Variants in NIN observed in about 807,000 individuals in gnomAD.
The protein encoded by NIN is glycogen synthase kinase 3 beta-interacting protein.
A neutral mutation model predicts 257.6 loss-of-function variants in NIN; 137 were observed. That is an observed-to-expected ratio of 0.53 (90% CI 0.46 to 0.61). NIN has a LOEUF of 0.61. NIN is among the 20% of genes least tolerant of loss of function. The probability of loss-of-function intolerance (pLI) is 0.00; values close to 1 mark genes in which losing one functional copy is unlikely to be tolerated. For synonymous variants in NIN, 918 were observed against 919.8 expected, an observed-to-expected ratio of 1.00 and a Z score of 0.04; for missense variants, 2,439 against 2,501.2, an observed-to-expected ratio of 0.98 and a Z score of 0.53.
intron 20 of NIN, 34 bp from the exon 21 acceptor site, chr14:50,752,767 T>C (rs775705638): frequency 1.6e-5 from 20 of 1,268,058 alleles, no homozygotes; most frequent in Non-Finnish European, 2.1e-5. Context: ...TTCAAACTTG[T>C]TACCCTACTT....
chr14:50,770,887 A>G lies in NIN; in HGVS notation c.1224T>C (p.His408=), dbSNP rs368974292. The G allele has an allele frequency of 1.9e-6, 3 of 1,614,138 alleles. No individual in the cohort carries two copies. Among genetic ancestry groups the G allele is most frequent in the Admixed American group, 3.3e-5 (2 of 60,022 alleles). The change falls in exon 11 of 31, where the codon CAT becomes CAC. Residue 408 remains histidine (H), a synonymous_variant. Transcript: ENST00000530997. Reference sequence around the variant, plus strand: ...ACTCATTCCGCCGCTCTATGGCCGCATGGTGATCATCCACCTCCGAGGCCA... The same window carrying G: ...ACTCATTCCGCCGCTCTATGGCCGCGTGGTGATCATCCACCTCCGAGGCCA... ...SLMASEVDDH[H]AAIERRNEYN...
chr14:50,777,193 G>T, intron 6 of NIN, 54 bp from the exon 7 acceptor site: 1 of 1,365,872 alleles, frequency 7.3e-7, no homozygotes, highest in Non-Finnish European at 1.0e-6. Flanking sequence ...AAGAGAGAGT[G>T]CCTATTCTTA....
chr14:50,803,958 G>A (rs1246003997), intron 4 of NIN, among the ~76,000 whole-genome samples: 2 of 150,608 alleles, frequency 1.3e-5, no homozygotes, highest in Admixed American at 6.6e-5. Flanking sequence ...GTGCAGAGGC[G>A]TGATCTTGGC....
chr14:50,767,002 C>T (rs1266550660), intron 12 of NIN, 112 bp from the exon 13 acceptor site: 1 of 717,008 alleles, frequency 1.4e-6, no homozygotes, highest in African/African-American at 1.8e-5. Context: ...GTTTATCTAT[C>T]TTAAAAGCTG....
Position 50,744,351 on chromosome 14 carries a change from G to C in NIN, c.5079C>G (p.Pro1693=), listed in dbSNP as rs546671094. 2 of 1,613,748 alleles carry C rather than the reference G, an allele frequency of 1.2e-6. No individual in the cohort carries two copies. Among genetic ancestry groups the C allele is most frequent in the African/African-American group, 1.3e-5 (1 of 74,904 alleles). Residue 1693 remains proline (P), a synonymous_variant, in exon 23 of 31, where the codon CCC becomes CCG. Transcript: ENST00000530997. ...LEKMKQLHRC[P]DLSDFQQKIS... ...TTTTTTGCTGGAAGTCAGAGAGATC[G>C]GGACATCTGTGCAGCTGTAAGAGAT...
At chr14:50,749,058 C>G (rs2041676735) in intron 21 of NIN, among the ~76,000 whole-genome samples, 1 of 152,174 alleles carries the variant, frequency 6.6e-6, no homozygotes, top group South Asian at 2.1e-4. Flanking sequence ...TGACTTCAAA[C>G]TATACTACAA....
rs1194860042 is a variant in NIN, at chr14:50,738,527, T to C, written c.5629-241A>G. On this transcript the variant is annotated intron_variant, in intron 26 of 30. Coordinates refer to ENST00000530997, the MANE Select transcript of NIN (RefSeq NM_020921.4). ...AGACTGGGAAGAGGGGACTTCTGGG[T>C]CTACTAACTCTCCAGGAGTCAACAG... Among the ~76,000 whole-genome samples, 3 of 152,274 alleles carry C rather than the reference T, an allele frequency of 2.0e-5. No individual in the cohort carries two copies. The East Asian group carries it at 5.8e-4, about 29-fold the overall frequency.
At chr14:50,808,080 T>C (rs1279056902) in intron 3 of NIN, among the ~76,000 whole-genome samples, 1 of 152,242 alleles carries the variant, frequency 6.6e-6, no homozygotes, top group African/African-American at 2.4e-5. Context: ...GTTACCTTTT[T>C]ACAGGCTTAA....
rs182582428 is a variant in NIN at position 50,777,493 on chromosome 14, A to G, written c.476-354T>C. 8.9e-4 allele frequency among the ~76,000 whole-genome samples: 135 copies of G among 152,282 alleles called. 2 individuals carry two copies. The highest frequency in any genetic ancestry group is 1.3e-3 in the East Asian group (7 of 5,190). ...GGCTGGTTGAGGGCCATTATCGAGAACTCTGTAAGCTCTATCTCAACTATA... is the reference window on the plus strand; with the variant it reads ...GGCTGGTTGAGGGCCATTATCGAGAGCTCTGTAAGCTCTATCTCAACTATA... On this transcript the variant is annotated intron_variant, in intron 6 of 30. Coordinates refer to ENST00000530997, the MANE Select transcript of NIN (RefSeq NM_020921.4).
chr14:50,807,877 G>A (rs377499316), intron 3 of NIN, among the ~76,000 whole-genome samples: 5 of 152,172 alleles, frequency 3.3e-5, no homozygotes, highest in South Asian at 4.1e-4. Flanking sequence ...GTATCTCCTT[G>A]CAATTTACCA....
intron 28 of NIN, chr14:50,730,920 T>TA (rs1379191469): frequency 1.5e-6 from 2 of 1,345,234 alleles, no homozygotes; most frequent in African/African-American, 2.9e-5. Context: ...GAGAATGTTC[T>TA]ACCTTCACAC....
At chr14:50,800,007 TACACACACACACACACACACACACAC>T in intron 4 of NIN, among the ~76,000 whole-genome samples, 1 of 148,268 alleles carries the variant, frequency 6.7e-6, no homozygotes, top group South Asian at 2.1e-4. Context: ...TATATACACA[TACACACACACACACACACACACACAC>T]ACACACACAC....
intron 3 of NIN, 29 bp from the exon 4 acceptor site, chr14:50,806,847 T>C: frequency 8.9e-7 from 1 of 1,119,752 alleles, no homozygotes; most frequent in African/African-American, 1.6e-5. Flanking sequence ...AGATTTAAAG[T>C]AATTTCCACA....
intron 5 of NIN, among the ~76,000 whole-genome samples, chr14:50,784,173 C>T (rs2043248334): frequency 6.6e-6 from 1 of 152,224 alleles, no homozygotes; most frequent in Non-Finnish European, 1.5e-5. Context: ...TTTGGCTCTG[C>T]CACTTTCTGT....
intron 15 of NIN, 131 bp downstream of exon 15, chr14:50,763,693 GAA>G: frequency 1.4e-6 from 1 of 729,328 alleles, no homozygotes; most frequent in Non-Finnish European, 2.1e-6. Flanking sequence ...AACAGCTCAA[GAA>G]AAGAGTATGG....
At chr14:50,824,979 G>A (rs1817397619) in intron 2 of NIN, among the ~76,000 whole-genome samples, 1 of 152,228 alleles carries the variant, frequency 6.6e-6, no homozygotes, top group South Asian at 2.1e-4. Context: ...AACTTCGACT[G>A]CATTGTCTTG....
chr14:50,774,785 C>T (rs2042858799), intron 7 of NIN, among the ~76,000 whole-genome samples: 1 of 152,200 alleles, frequency 6.6e-6, no homozygotes, highest in South Asian at 2.1e-4. Context: ...CTGGAAAGTC[C>T]TTCCAGTTAT....
Position 50,757,266 on chromosome 14 carries a change from A to C in NIN, c.3764T>G (p.Val1255Gly), listed in dbSNP as rs773753274. 2 of 1,614,118 alleles carry C rather than the reference A, an allele frequency of 1.2e-6. No homozygotes were observed. The highest frequency in any genetic ancestry group is 1.7e-6 in the Non-Finnish European group (2 of 1,180,030). ...SPKYKLLYED[V>G]SRENDCLQEE... ...CTGAAGGCAGTCATTTTCTCGGCTC[A>C]CATCTTCATACAACAGCTTATATTT... The change falls in exon 18 of 31, where the codon GTG becomes GGG. Residue 1255 changes from valine to glycine, a missense_variant. Val to Gly is a moderately radical substitution (Grantham distance 109). Transcript: ENST00000530997.
intron 4 of NIN, among the ~76,000 whole-genome samples, chr14:50,793,435 G>C (rs2043689988): frequency 2.0e-5 from 3 of 151,872 alleles, no homozygotes; most frequent in African/African-American, 7.3e-5. Flanking sequence ...CACATTCTAA[G>C]CAATTAATGA....
Sources: allele counts gnomAD v4.1 joint callset (sites outside exome capture counted in the v4.1 genomes callset), GRCh38; gene constraint gnomAD v4.1.1; transcripts MANE v1.5; gene names NCBI Gene and HGNC (gene_info 2026-07-23, HGNC 2026-07-21).